The following PACRG variants were observed in gnomAD, a reference collection of about 807,000 sequenced individuals.
PACRG encodes parkin coregulated gene protein.
A neutral mutation model predicts 29.7 loss-of-function variants in PACRG; 29 were observed. That is an observed-to-expected ratio of 0.98 (90% CI 0.73 to 1.33). The LOEUF (loss-of-function observed/expected upper bound fraction) is 1.33, where lower values mean the gene tolerates loss of function less well. Ranked by LOEUF, PACRG falls within the 40% of genes most tolerant of loss-of-function variation. The probability of loss-of-function intolerance (pLI) is 0.00; values close to 1 mark genes in which losing one functional copy is unlikely to be tolerated. For missense variants in PACRG, 279 were observed against 316.2 expected (o/e 0.88, Z 0.89); for synonymous variants, 116 against 118.7 (o/e 0.98, Z 0.15).
intron 4 of PACRG, chr6:163,190,769 C>A: frequency 6.8e-6 from 2 of 292,202 alleles, no homozygotes; most frequent in Non-Finnish European, 1.4e-5. Context: ...ACCAAAAAGC[C>A]CACTCAAATG....
intron 2 of PACRG, among the ~76,000 whole-genome samples, chr6:163,028,725 C>T (rs1024898563): frequency 6.6e-6 from 1 of 152,162 alleles, no homozygotes; most frequent in Non-Finnish European, 1.5e-5. Context: ...TAAATCTTAT[C>T]AGGACTGTGT....
intron 2 of PACRG, among the ~76,000 whole-genome samples, chr6:163,026,603 G>A (rs1807153942): frequency 6.6e-6 from 1 of 152,162 alleles, no homozygotes; most frequent in Admixed American, 6.5e-5. Context: ...AGTCCGCTAA[G>A]GTCACCTCCC....
chr6:163,106,009 G>A (rs994015538), intron 4 of PACRG, among the ~76,000 whole-genome samples: 23 of 151,970 alleles, frequency 1.5e-4, no homozygotes, highest in African/African-American at 5.3e-4. Flanking sequence ...CTTAAAAATG[G>A]CTAACAGTTA....
intron 4 of PACRG, among the ~76,000 whole-genome samples, chr6:163,176,646 T>C (rs1779374683): frequency 6.6e-6 from 1 of 152,186 alleles, no homozygotes. Context: ...AGTTAACGTA[T>C]GTGGTAGACC....
rs1327563288 is a variant in PACRG at position 163,098,419 on chromosome 6, G to GC, written c.613+9016dup. Among the ~76,000 whole-genome samples, 3 of 152,188 alleles carry GC rather than the reference G, an allele frequency of 2.0e-5. No individual in the cohort carries two copies. The East Asian group carries it at 5.8e-4, about 29-fold the overall frequency. ...CCTTTCAGTAACCTCCCCTGACTCC[G>GC]CCCCCACTAGCAGAACAGAGGGCTC... On this transcript the variant is annotated intron_variant, in intron 4 of 4. Transcript: ENST00000366888.
intron 1 of PACRG, among the ~76,000 whole-genome samples, chr6:162,734,710 A>G (rs1780027089): frequency 1.3e-5 from 2 of 152,180 alleles, no homozygotes; most frequent in African/African-American, 4.8e-5. Flanking sequence ...GGTTGTTTAG[A>G]GATACTTATT....
chr6:163,160,979 GCC>G (rs1746140447), intron 4 of PACRG, among the ~76,000 whole-genome samples: 1 of 152,086 alleles, frequency 6.6e-6, no homozygotes, highest in African/African-American at 2.4e-5. Context: ...GGCACCTGGA[GCC>G]CAGAGCTACT....
intron 2 of PACRG, among the ~76,000 whole-genome samples, chr6:162,844,242 C>A (rs369964904): frequency 1.1e-4 from 17 of 149,172 alleles, no homozygotes; most frequent in Non-Finnish European, 1.9e-4. Context: ...GTGCTAGCAA[C>A]CAGCGAGACT....
At chr6:163,257,535 A>G (rs1041756152) in intron 4 of PACRG, among the ~76,000 whole-genome samples, 1 of 152,232 alleles carries the variant, frequency 6.6e-6, no homozygotes, top group Non-Finnish European at 1.5e-5. Context: ...TTTTACAACT[A>G]TCAAACTACG....
At chr6:163,085,670 C>G (rs1371655699) in intron 3 of PACRG, among the ~76,000 whole-genome samples, 1 of 152,228 alleles carries the variant, frequency 6.6e-6, no homozygotes, top group Non-Finnish European at 1.5e-5. Context: ...GCTGCTTCCT[C>G]TCCTGGAAAC....
At position 163,199,341 on chromosome 6, in the gene PACRG, C is replaced by A. The variant is rs77070031; in HGVS notation, c.613+109933C>A. On this transcript the variant is annotated intron_variant, in intron 4 of 4. Transcript: ENST00000366888. ...GAAACTAGAGATTCTAATCCACTTTCACCAGAGGGCCTTCAGCTAGGACAG... is the reference window on the plus strand; with the variant it reads ...GAAACTAGAGATTCTAATCCACTTTAACCAGAGGGCCTTCAGCTAGGACAG... Among the ~76,000 whole-genome samples, 576 of 152,338 alleles carry A rather than the reference C, an allele frequency of 3.8e-3. 6 individuals are homozygous for A. Among genetic ancestry groups the A allele is most frequent in the African/African-American group, 0.013 (547 of 41,570 alleles).
chr6:163,291,967 A>ACC (rs1784624595), intron 4 of PACRG, among the ~76,000 whole-genome samples: 1 of 152,194 alleles, frequency 6.6e-6, no homozygotes, highest in Non-Finnish European at 1.5e-5. Context: ...GGGGAGCTGA[A>ACC]ATTTATTCAA....
intron 2 of PACRG, among the ~76,000 whole-genome samples, chr6:162,956,855 C>A (rs569849667): frequency 6.6e-6 from 1 of 152,250 alleles, no homozygotes; most frequent in Non-Finnish European, 1.5e-5. Flanking sequence ...AAGAGTTCAA[C>A]TTGGCTTTTT....
chr6:162,729,770 C>A (rs984693308), intron 1 of PACRG, among the ~76,000 whole-genome samples: 1 of 150,766 alleles, frequency 6.6e-6, no homozygotes, highest in Non-Finnish European at 1.5e-5. Flanking sequence ...ATTCATAATT[C>A]TTGTATCATA....
intron 2 of PACRG, among the ~76,000 whole-genome samples, chr6:162,907,640 C>T (rs548535502): frequency 1.3e-5 from 2 of 151,998 alleles, no homozygotes; most frequent in South Asian, 2.1e-4. Flanking sequence ...ATGAAGTATG[C>T]GTGACTCTTT....
chr6:163,210,725 A>T (rs1278376866), intron 4 of PACRG, among the ~76,000 whole-genome samples: 1 of 152,248 alleles, frequency 6.6e-6, no homozygotes, highest in Non-Finnish European at 1.5e-5. Context: ...TGTTGCACCC[A>T]GTTTGTACTG....
At chr6:162,932,166 G>T (rs1797900245) in intron 2 of PACRG, among the ~76,000 whole-genome samples, 1 of 151,920 alleles carries the variant, frequency 6.6e-6, no homozygotes, top group Non-Finnish European at 1.5e-5. Context: ...ACAAAAAGGA[G>T]TACGTACTTT....
At chr6:163,136,449 CAGATT>C (rs2128331995) in intron 4 of PACRG, among the ~76,000 whole-genome samples, 1 of 152,296 alleles carries the variant, frequency 6.6e-6, no homozygotes, top group African/African-American at 2.4e-5. Flanking sequence ...CTTAGATTTA[CAGATT>C]AGTTTATGGG....
chr6:162,768,470 T>C (rs574840395), intron 1 of PACRG, among the ~76,000 whole-genome samples: 7 of 152,280 alleles, frequency 4.6e-5, no homozygotes, highest in South Asian at 4.1e-4. Flanking sequence ...AGAAACATTA[T>C]TTATTGCATT....
Sources: allele counts gnomAD v4.1 joint callset (sites outside exome capture counted in the v4.1 genomes callset), GRCh38; gene constraint gnomAD v4.1.1; transcripts MANE v1.5; gene names NCBI Gene and HGNC (gene_info 2026-07-23, HGNC 2026-07-21).